Variants in CLVS1 observed in about 807,000 individuals in gnomAD.
CLVS1 encodes the protein clavesin-1.
A neutral mutation model predicts 33.1 loss-of-function variants in CLVS1; 10 were observed. The ratio of observed to expected loss-of-function variants is 0.30; its 90% confidence interval spans 0.19 to 0.51. The LOEUF (loss-of-function observed/expected upper bound fraction) is 0.51, where lower values mean the gene tolerates loss of function less well. Among genes scored for constraint, CLVS1 ranks in the 20% least tolerant of loss-of-function variants. The pLI, the probability that CLVS1 is intolerant of heterozygous loss-of-function variation, is 0.97. For synonymous variants in CLVS1, 163 were observed against 166.1 expected, an observed-to-expected ratio of 0.98 and a Z score of 0.14; for missense variants, 343 against 433.4, an observed-to-expected ratio of 0.79 and a Z score of 1.85.
chr8:61,258,959 T>C (rs1364543055), intron 2 of CLVS1, among the ~76,000 whole-genome samples: 1 of 152,156 alleles, frequency 6.6e-6, no homozygotes, highest in African/African-American at 2.4e-5. Context: ...CCTAACTGTA[T>C]CCTAATAGAT....
intron 2 of CLVS1, among the ~76,000 whole-genome samples, chr8:61,192,652 A>T (rs1336796764): frequency 6.6e-6 from 1 of 152,158 alleles, no homozygotes; most frequent in Non-Finnish European, 1.5e-5. Flanking sequence ...GAATCTACAA[A>T]GAACTCAAAC....
intron 2 of CLVS1, among the ~76,000 whole-genome samples, chr8:61,319,388 A>C (rs1235452386): frequency 6.6e-6 from 1 of 152,176 alleles, no homozygotes; most frequent in African/African-American, 2.4e-5. Context: ...ATTTCCCCCC[A>C]TGGACCTAGA....
intron 2 of CLVS1, among the ~76,000 whole-genome samples, chr8:61,340,896 T>C (rs1322435074): frequency 6.6e-6 from 1 of 152,258 alleles, no homozygotes; most frequent in African/African-American, 2.4e-5. Context: ...TCAATAATTT[T>C]TAAACCCTGG....
intron 2 of CLVS1, among the ~76,000 whole-genome samples, 178 bp from the exon 3 acceptor site, chr8:61,376,427 G>A (rs1813644935): frequency 6.6e-6 from 1 of 152,218 alleles, no homozygotes; most frequent in African/African-American, 2.4e-5. Context: ...AAGTCTTGAA[G>A]CATTATGGCT....
chr8:61,248,580 C>A (rs72657028), intron 2 of CLVS1, among the ~76,000 whole-genome samples: 11,577 of 151,858 alleles, frequency 0.076, 598 homozygotes, highest in East Asian at 0.16. Context: ...TCTGATTGGG[C>A]TGTCGGTTTG....
intron 1 of CLVS1, among the ~76,000 whole-genome samples, chr8:61,117,526 A>T (rs1213072553): frequency 4.0e-5 from 6 of 149,960 alleles, no homozygotes; most frequent in Non-Finnish European, 7.4e-5. Flanking sequence ...GATAGCTCTT[A>T]TTATTTTGAA....
intron 5 of CLVS1, among the ~76,000 whole-genome samples, chr8:61,495,097 C>A (rs754084948): frequency 6.6e-6 from 1 of 152,190 alleles, no homozygotes; most frequent in Non-Finnish European, 1.5e-5. Context: ...TAGAAGAAAT[C>A]ATGTAGATCC....
chr8:61,309,599 T>G (rs1810763584), intron 2 of CLVS1, among the ~76,000 whole-genome samples: 1 of 152,254 alleles, frequency 6.6e-6, no homozygotes, highest in Non-Finnish European at 1.5e-5. Context: ...ACAGGTGCTT[T>G]TCCACTTGCC....
At chr8:61,466,327 G>A (rs944738947) in intron 5 of CLVS1, among the ~76,000 whole-genome samples, 1 of 152,188 alleles carries the variant, frequency 6.6e-6, no homozygotes, top group African/African-American at 2.4e-5. Flanking sequence ...TCTCTCCACT[G>A]TGTCCAGCAC....
chr8:61,105,841 C>T (rs73685722), intron 1 of CLVS1, among the ~76,000 whole-genome samples: 2,719 of 151,984 alleles, frequency 0.018, 84 homozygotes, highest in African/African-American at 0.058. Context: ...AAAGGACAAA[C>T]TTGTCATGGA....
intron 1 of CLVS1, among the ~76,000 whole-genome samples, chr8:61,067,531 G>T (rs528840025): frequency 1.1e-3 from 167 of 151,000 alleles, no homozygotes; most frequent in Middle Eastern, 3.5e-3. Flanking sequence ...AGCTATGAGA[G>T]CACAAGCAAA....
At chr8:61,096,284 GGA>G (rs1310800209) in intron 1 of CLVS1, among the ~76,000 whole-genome samples, 1 of 152,230 alleles carries the variant, frequency 6.6e-6, no homozygotes, top group East Asian at 1.9e-4. Flanking sequence ...GCCACCTACA[GGA>G]GAGAGTGGGT....
chr8:61,382,454 C>T (rs113356563), intron 3 of CLVS1, among the ~76,000 whole-genome samples: 2,070 of 152,248 alleles, frequency 0.014, 40 homozygotes, highest in African/African-American at 0.046. Context: ...AGTCCACAAA[C>T]CAGCACTACC....
chr8:61,255,160 G>A (rs1383606804), intron 2 of CLVS1, among the ~76,000 whole-genome samples: 3 of 152,178 alleles, frequency 2.0e-5, no homozygotes, highest in African/African-American at 7.2e-5. Flanking sequence ...TTTTATGGAA[G>A]ACAGGATGAG....
chr8:61,299,502 C>A (rs920579411), intron 1 of CLVS1, among the ~76,000 whole-genome samples, 175 bp from the exon 2 acceptor site: 1 of 152,152 alleles, frequency 6.6e-6, no homozygotes, highest in African/African-American at 2.4e-5. Flanking sequence ...TGTCTATAAT[C>A]AACTTTTGCT....
At chr8:61,031,159 G>T in the CLVS1 span, among the ~76,000 whole-genome samples, 1 of 152,222 alleles carries the variant, frequency 6.6e-6, no homozygotes, top group Admixed American at 6.5e-5. Flanking sequence ...TGAAGAGAAT[G>T]CCAGGCCTGG....
chr8:60,996,208 T>G, the CLVS1 span, among the ~76,000 whole-genome samples: 1 of 152,136 alleles, frequency 6.6e-6, no homozygotes, highest in East Asian at 1.9e-4. Context: ...AATGGAAAAA[T>G]CTATTTGGTA....
At chr8:61,240,856 A>G (rs764692064) in intron 2 of CLVS1, among the ~76,000 whole-genome samples, 10 of 150,694 alleles carry the variant, frequency 6.6e-5, no homozygotes, top group Non-Finnish European at 1.5e-4. Context: ...TCACGGGTAA[A>G]ACTCTCAGAA....
chr8:61,004,311 C>G, the CLVS1 span, among the ~76,000 whole-genome samples: 2 of 152,222 alleles, frequency 1.3e-5, no homozygotes, highest in African/African-American at 4.8e-5. Context: ...AATCTGCAGT[C>G]TCTCCAGGCT....
Sources: gnomAD v4.1 joint callset for allele counts (sites outside exome capture counted in the v4.1 genomes callset) on GRCh38, gnomAD v4.1.1 for gene constraint, MANE v1.5 for transcripts, NCBI Gene and HGNC (gene_info 2026-07-23, HGNC 2026-07-21) for gene names.